IFFO2: variants seen among roughly 807,000 people sequenced by gnomAD.
The protein encoded by IFFO2 is intermediate filament family orphan 2.
IFFO2 carries 19 observed loss-of-function variants against 53.5 expected under a neutral mutation model. The ratio of observed to expected loss-of-function variants is 0.36; its 90% CI spans 0.25 to 0.52. The LOEUF (loss-of-function observed/expected upper bound fraction) is 0.52, where lower values mean the gene tolerates loss of function less well. IFFO2 is among the 20% of genes least tolerant of loss of function. The pLI, the probability that IFFO2 is intolerant of heterozygous loss-of-function variation, is 0.94. For missense variants in IFFO2, 570 were observed against 727.4 expected (o/e 0.78, Z 2.49); for synonymous variants, 303 against 313.6 (o/e 0.97, Z 0.36).
Position 18,928,608 on chromosome 1 carries a change from G to A in IFFO2, c.666-7487C>T, listed in dbSNP as rs984487894. Among the ~76,000 whole-genome samples, 8 of 152,300 alleles carry A rather than the reference G, an allele frequency of 5.3e-5. No individual in the cohort carries two copies. The highest frequency in any genetic ancestry group is 1.0e-4 in the Non-Finnish European group (7 of 68,028). On this transcript the variant is annotated intron_variant, in intron 1 of 8. Coordinates refer to ENST00000455833, the MANE Select transcript of IFFO2 (RefSeq NM_001136265.2). The surrounding 1 kb of genome is among the most constrained non-coding windows in gnomAD (Gnocchi z 4.9). ...AGGGATCCCAGCGTGCCAGGTCTGC[G>A]CAAGGCTGCTCAGGGGAGAGGCAGA...
intron 1 of IFFO2, 74 bp downstream of exon 1, chr1:18,955,594 C>T: frequency 4.1e-6 from 6 of 1,480,848 alleles, no homozygotes; most frequent in Non-Finnish European, 5.3e-6. Flanking sequence ...GGCCCCCGTC[C>T]CGCATACGCA....
chr1:18,934,057 C>CTTTCTTTTTTTTTT (rs1936413944), intron 1 of IFFO2, among the ~76,000 whole-genome samples: 1 of 70,330 alleles, frequency 1.4e-5, no homozygotes, highest in Non-Finnish European at 2.5e-5. Context: ...TCTCTTATTT[C>CTTTCTTTTTTTTTT]TTTTTTTTTT....
intron 8 of IFFO2, 130 bp downstream of exon 8, chr1:18,910,212 T>TGGACGGACGGAC: frequency 1.0e-6 from 1 of 994,124 alleles, no homozygotes; most frequent in Non-Finnish European, 1.4e-6. Context: ...GATGGATGGA[T>TGGACGGACGGAC]GGACGGACGG....
intron 1 of IFFO2, among the ~76,000 whole-genome samples, chr1:18,942,878 G>A (rs146415181): frequency 0.015 from 2,165 of 141,748 alleles, 46 homozygotes; most frequent in East Asian, 0.11. Context: ...TCATTCTGTC[G>A]CCTAGGCTGG....
intron 1 of IFFO2, among the ~76,000 whole-genome samples, chr1:18,933,104 A>T (rs1936399744): frequency 6.6e-6 from 1 of 152,238 alleles, no homozygotes; most frequent in South Asian, 2.1e-4. Flanking sequence ...GAAGTGGATT[A>T]AGAGTATTCT....
rs1936712668 is a variant in IFFO2 at position 18,955,560 on chromosome 1, C to T, written c.665+108G>A. The T allele has an allele frequency of 1.0e-5, 14 of 1,406,744 alleles. No individual in the cohort carries two copies. The East Asian group carries it at 3.2e-4, about 32-fold the overall frequency. 87.1% of individuals were successfully genotyped at this position (1,406,744 alleles called of 1,614,324 possible). A position where few individuals can be genotyped will look rare whatever the true frequency, so the allele number is the denominator to read the frequency against. ...CTCTGCAAACACAGCTTCCAGCCCA[C>T]CTGCCAGTACCAGCTGCCCGCCCGG... On this transcript the variant is annotated intron_variant, in intron 1 of 8. Coordinates refer to ENST00000455833, the MANE Select transcript of IFFO2 (RefSeq NM_001136265.2).
intron 1 of IFFO2, among the ~76,000 whole-genome samples, chr1:18,922,830 A>G (rs1034472953): frequency 1.3e-5 from 2 of 151,952 alleles, no homozygotes; most frequent in East Asian, 3.9e-4. Flanking sequence ...TGCCCACATC[A>G]CCCAGTATAT....
chr1:18,912,727 A>G (rs1936059792), intron 5 of IFFO2, among the ~76,000 whole-genome samples: 1 of 152,064 alleles, frequency 6.6e-6, no homozygotes, highest in African/African-American at 2.4e-5. Flanking sequence ...TGAGGTAAGC[A>G]TAACTATCGT....
At chr1:18,933,053 T>C (rs1033624192) in intron 1 of IFFO2, among the ~76,000 whole-genome samples, 2 of 152,212 alleles carry the variant, frequency 1.3e-5, no homozygotes, top group African/African-American at 4.8e-5. Context: ...TCAACAAACA[T>C]TTCCCAAGTG....
intron 1 of IFFO2, among the ~76,000 whole-genome samples, chr1:18,946,447 C>T (rs1171419641): frequency 7.5e-6 from 1 of 132,964 alleles, no homozygotes; most frequent in Admixed American, 7.9e-5. Context: ...TGGAGGCTCA[C>T]TCTGTTGCCC....
intron 1 of IFFO2, among the ~76,000 whole-genome samples, chr1:18,950,102 G>C (rs1936640607): frequency 6.6e-6 from 1 of 152,216 alleles, no homozygotes. Flanking sequence ...TTCTCTTAAA[G>C]GAAGTTGGGA....
rs927720904 is a variant in IFFO2 at position 18,908,381 on chromosome 1, C to T, written c.*180G>A. 5.1e-6 allele frequency: 3 copies of T among 585,190 alleles called. No individual in the cohort carries two copies. Among genetic ancestry groups the T allele is most frequent in the Non-Finnish European group, 6.2e-6 (2 of 324,924 alleles). The allele number at this position is 585,190 out of a possible 1,614,324, so 36.2% of individuals were successfully genotyped here. A position where few individuals can be genotyped will look rare whatever the true frequency, so the allele number is the denominator to read the frequency against. Reference sequence around the variant, plus strand: ...GGGTGGGGGATGGAGACGGGGCACCCGTTGGTGGTGTGGAAGGAAGGAAGG... The same window carrying T: ...GGGTGGGGGATGGAGACGGGGCACCTGTTGGTGGTGTGGAAGGAAGGAAGG... On this transcript the variant is annotated 3_prime_UTR_variant, in exon 9 of 9. Coordinates refer to ENST00000455833, the MANE Select transcript of IFFO2 (RefSeq NM_001136265.2).
chr1:18,925,291 C>T (rs866643638), intron 1 of IFFO2, among the ~76,000 whole-genome samples: 1 of 152,206 alleles, frequency 6.6e-6, no homozygotes, highest in Admixed American at 6.5e-5. Flanking sequence ...TTCTCCCAGG[C>T]TTGTCTCAAA....
Position 18,908,546 on chromosome 1 carries a change from G to A in IFFO2, c.*15C>T, listed in dbSNP as rs1206753957. ...CCCCATCACCAAGACCACCAGGCTC[G>A]CAGGGCCTCAGTCATCAGCTGACCA... On this transcript the variant is annotated 3_prime_UTR_variant, in exon 9 of 9. Transcript: ENST00000455833. 6.5e-6 allele frequency: 10 copies of A among 1,537,660 alleles called. No individual in the cohort carries two copies. The highest frequency in any genetic ancestry group is 1.2e-5 in the South Asian group (1 of 83,758).
In IFFO2 at chr1:18,955,656, G is replaced by A; in HGVS notation, c.665+12C>T. ...CCCGTCCCAGGGCGGCGGGGGAGGG[G>A]CGGCCACTCACCTCCGCTTATACTC... On this transcript the variant is annotated intron_variant, in intron 1 of 8. Transcript: ENST00000455833. 6.4e-7 allele frequency: 1 copy of A among 1,562,016 alleles called. No homozygotes were observed. The highest frequency in any genetic ancestry group is 8.6e-7 in the Non-Finnish European group (1 of 1,159,416).
chr1:18,935,331 C>G (rs897593711), intron 1 of IFFO2, among the ~76,000 whole-genome samples: 1 of 152,176 alleles, frequency 6.6e-6, no homozygotes, highest in Non-Finnish European at 1.5e-5. Flanking sequence ...AGAGGTCTCA[C>G]CTGGTGGGTG....
chr1:18,938,137 T>A (rs747542698), intron 1 of IFFO2, among the ~76,000 whole-genome samples: 10 of 152,370 alleles, frequency 6.6e-5, no homozygotes, highest in African/African-American at 9.6e-5. Context: ...AGAGCTGGGA[T>A]GGGCGTCCAA....
intron 1 of IFFO2, among the ~76,000 whole-genome samples, chr1:18,940,820 T>C (rs566167258): frequency 2.0e-5 from 3 of 152,202 alleles, no homozygotes; most frequent in African/African-American, 4.8e-5. Context: ...AACATGCAGA[T>C]ACAAATACGC....
chr1:18,955,741 T>C lies in IFFO2; in HGVS notation c.592A>G (p.Ile198Val), dbSNP rs1371651105. ...PDGVGVQIDT[I>V]TPEIRALYNV... ...TAGAGCGCGCGGATCTCCGGCGTGA[T>C]GGTGTCGATCTGCACGCCCACGCCG... is the stretch of plus-strand genomic sequence containing the variant. Residue 198 changes from isoleucine to valine, a missense_variant, in exon 1 of 9, where the codon ATC (isoleucine) becomes GTC (valine). Physicochemically the swap from Ile to Val is conservative, Grantham distance 29. Transcript: ENST00000455833. The C allele has an allele frequency of 3.1e-6, 5 of 1,587,654 alleles. No homozygotes were observed. The South Asian group carries it at 3.4e-5, about 11-fold the overall frequency.
Sources: gnomAD v4.1 joint callset for allele counts (sites outside exome capture counted in the v4.1 genomes callset) on GRCh38, gnomAD v4.1.1 for gene constraint, Gnocchi (gnomAD v3.1) non-coding constraint, MANE v1.5 for transcripts, NCBI Gene and HGNC (gene_info 2026-07-23, HGNC 2026-07-21) for gene names.